AFF3: variants seen among roughly 807,000 people sequenced by gnomAD.
The protein encoded by AFF3 is ALF transcription elongation factor 3.
Under a neutral mutation model 129.7 loss-of-function variants are expected in AFF3, and 32 were observed. The ratio of observed to expected loss-of-function variants is 0.25; its 90% CI spans 0.19 to 0.33. The LOEUF (loss-of-function observed/expected upper bound fraction) is 0.33. Among genes scored for constraint, AFF3 ranks in the 10% least tolerant of loss-of-function variants. The probability of loss-of-function intolerance (pLI) is 1.00; values close to 1 mark genes in which losing one functional copy is unlikely to be tolerated. For missense variants in AFF3, 1,373 were observed against 1,592.0 expected (o/e 0.86, Z 2.34); for synonymous variants, 644 against 635.4 (o/e 1.01, Z -0.20).
At chr2:99,580,251 A>G (rs1405685757) in intron 17 of AFF3, among the ~76,000 whole-genome samples, 1 of 152,166 alleles carries the variant, frequency 6.6e-6, no homozygotes, top group African/African-American at 2.4e-5. Context: ...GGGGTCAGCC[A>G]TCTATGGCCA....
At chr2:99,830,341 C>T (rs1003252703) in intron 8 of AFF3, among the ~76,000 whole-genome samples, 4 of 152,134 alleles carry the variant, frequency 2.6e-5, no homozygotes, top group African/African-American at 9.7e-5. Flanking sequence ...TAATTACTTA[C>T]ACCATTCTAG....
chr2:100,073,446 C>T (rs1688356038), intron 4 of AFF3, among the ~76,000 whole-genome samples: 1 of 152,214 alleles, frequency 6.6e-6, no homozygotes, highest in Admixed American at 6.5e-5. Flanking sequence ...ACCAGCCTTG[C>T]CAACACCTTC....
At chr2:99,643,162 C>T (rs1040172903) in intron 13 of AFF3, among the ~76,000 whole-genome samples, 1 of 146,380 alleles carries the variant, frequency 6.8e-6, no homozygotes, top group Admixed American at 7.2e-5. Flanking sequence ...TGGGTTCAAG[C>T]GATTCTCCTG....
intron 4 of AFF3, among the ~76,000 whole-genome samples, chr2:100,074,270 C>T (rs968592541): frequency 1.3e-5 from 2 of 152,180 alleles, no homozygotes; most frequent in African/African-American, 4.8e-5. Context: ...TGCCTCCTGG[C>T]CCTCCTCCTG....
At chr2:100,137,522 CGTGCACACGTGCAT>C (rs1166478959) in intron 1 of AFF3, among the ~76,000 whole-genome samples, 1 of 146,518 alleles carries the variant, frequency 6.8e-6, no homozygotes, top group Non-Finnish European at 1.5e-5. Context: ...CATGTGTGCA[CGTGCACACGTGCAT>C]ACACACACAC....
At chr2:99,673,717 T>G (rs778766370) in intron 11 of AFF3, among the ~76,000 whole-genome samples, 4 of 152,188 alleles carry the variant, frequency 2.6e-5, no homozygotes, top group Non-Finnish European at 5.9e-5. Flanking sequence ...ATGTACCTAG[T>G]GTCCTTTAAA....
chr2:99,825,360 G>T (rs891402755), intron 8 of AFF3, among the ~76,000 whole-genome samples: 1 of 152,100 alleles, frequency 6.6e-6, no homozygotes, highest in Non-Finnish European at 1.5e-5. Context: ...TAAGATCTGT[G>T]TGTGTACAAT....
chr2:99,814,231 A>AACCACCACC (rs60855066), intron 8 of AFF3, among the ~76,000 whole-genome samples: 1 of 150,938 alleles, frequency 6.6e-6, no homozygotes, highest in East Asian at 2.0e-4. Flanking sequence ...TAATCACACA[A>AACCACCACC]ACCACCACCA....
chr2:100,115,906 A>G (rs991888782), intron 2 of AFF3, among the ~76,000 whole-genome samples: 13 of 152,168 alleles, frequency 8.5e-5, no homozygotes, highest in Non-Finnish European at 1.5e-4. Context: ...AGTGCTGTCA[A>G]TTTTATTGTT....
At chr2:99,638,174 A>G (rs1428214323) in intron 13 of AFF3, among the ~76,000 whole-genome samples, 16 of 151,990 alleles carry the variant, frequency 1.1e-4, no homozygotes, top group Admixed American at 3.3e-4. Flanking sequence ...TCCAGGTTCA[A>G]GTAATTCAAC....
At chr2:99,676,729 T>A (rs76854311) in intron 11 of AFF3, among the ~76,000 whole-genome samples, 6,084 of 152,306 alleles carry the variant, frequency 0.04, 242 homozygotes, top group Non-Finnish European at 0.054. Flanking sequence ...TTCAGGCCAT[T>A]TTGAAAAGAA....
chr2:99,569,161 A>G lies in AFF3; in HGVS notation c.2919-246T>C, dbSNP rs572516201. 7.9e-4 allele frequency among the ~76,000 whole-genome samples: 121 copies of G among 152,296 alleles called. 1 individual carries two copies. The highest frequency in any genetic ancestry group is 2.8e-3 in the African/African-American group (117 of 41,568). On this transcript the variant is annotated intron_variant, in intron 18 of 24. Coordinates refer to ENST00000672756, the MANE Select transcript of AFF3 (RefSeq NM_001386135.1). ...AGTCTCTATTTACAGTGGATTTAACATGGCCCCCTAGGGCCTAATTTGTGA... is the reference window on the plus strand; with the variant it reads ...AGTCTCTATTTACAGTGGATTTAACGTGGCCCCCTAGGGCCTAATTTGTGA...
At chr2:99,644,188 G>A (rs1045797730) in intron 13 of AFF3, among the ~76,000 whole-genome samples, 1 of 152,256 alleles carries the variant, frequency 6.6e-6, no homozygotes, top group Admixed American at 6.5e-5. Context: ...ACAGGTTACA[G>A]TCTGGTGATG....
At chr2:99,833,492 C>T (rs1419682126) in intron 8 of AFF3, among the ~76,000 whole-genome samples, 3 of 152,170 alleles carry the variant, frequency 2.0e-5, no homozygotes, top group Admixed American at 1.3e-4. Flanking sequence ...AGATGTTACA[C>T]TGAAATTGTC....
chr2:100,129,635 T>C (rs1400933463), intron 1 of AFF3, among the ~76,000 whole-genome samples: 2 of 152,180 alleles, frequency 1.3e-5, no homozygotes, highest in East Asian at 3.9e-4. Flanking sequence ...AATTCACTTG[T>C]TCTTCAGGTA....
At chr2:99,831,057 C>A (rs2309649) in intron 8 of AFF3, among the ~76,000 whole-genome samples, 24,309 of 152,148 alleles carry the variant, frequency 0.16, 2,063 homozygotes, top group Admixed American at 0.23. Context: ...ACCTAAAGGG[C>A]ACATCTTTGG....
chr2:99,570,372 C>T (rs1676361284), intron 18 of AFF3, among the ~76,000 whole-genome samples: 1 of 152,214 alleles, frequency 6.6e-6, no homozygotes, highest in Admixed American at 6.5e-5. Context: ...GGTTCTCACT[C>T]TGTCGCCTAG....
At chr2:99,756,905 T>G (rs1400435972) in intron 8 of AFF3, among the ~76,000 whole-genome samples, 1 of 152,216 alleles carries the variant, frequency 6.6e-6, no homozygotes, top group African/African-American at 2.4e-5. Flanking sequence ...ATGACCCACC[T>G]TCACATTTCC....
chr2:100,044,016 T>G (rs1685634680), intron 4 of AFF3, among the ~76,000 whole-genome samples: 1 of 152,198 alleles, frequency 6.6e-6, no homozygotes, highest in Non-Finnish European at 1.5e-5. Flanking sequence ...TTAGGCAGCT[T>G]GCACCTGAGC....
Sources: gnomAD v4.1 joint callset for allele counts (sites outside exome capture counted in the v4.1 genomes callset) on GRCh38, gnomAD v4.1.1 for gene constraint, MANE v1.5 for transcripts, NCBI Gene and HGNC (gene_info 2026-07-23, HGNC 2026-07-21) for gene names.